USP34: variants seen among roughly 807,000 people sequenced by gnomAD.
USP34 encodes ubiquitin carboxyl-terminal hydrolase 34.
Under a neutral mutation model 460.3 loss-of-function variants are expected in USP34, and 70 were observed. The ratio of observed to expected loss-of-function variants is 0.15; its 90% CI spans 0.13 to 0.19. The LOEUF is 0.19. USP34 is among the 10% of genes least tolerant of loss of function. The pLI is 1.00. For missense variants in USP34, 3,985 were observed against 4,236.2 expected, an observed-to-expected ratio of 0.94 and a Z score of 1.65; for synonymous variants, 1,647 against 1,405.3, an observed-to-expected ratio of 1.17 and a Z score of -3.85.
At chr2:61,211,050 T>G (rs1032629376) in intron 69 of USP34, among the ~76,000 whole-genome samples, 1 of 152,152 alleles carries the variant, frequency 6.6e-6, no homozygotes, top group African/African-American at 2.4e-5. Flanking sequence ...AAGGCGTAGT[T>G]AATTTCCCTG....
intron 57 of USP34, 57 bp downstream of exon 57, chr2:61,235,788 G>C (rs1210042807): frequency 2.6e-6 from 4 of 1,549,908 alleles, no homozygotes; most frequent in South Asian, 1.2e-5. Flanking sequence ...TAGATCAGAG[G>C]GGGGGAAAAA....
At chr2:61,470,093 T>C (rs2104134016) in intron 1 of USP34, among the ~76,000 whole-genome samples, 1 of 152,328 alleles carries the variant, frequency 6.6e-6, no homozygotes, top group African/African-American at 2.4e-5. Flanking sequence ...CAATCATCAC[T>C]ATCACAGTTC....
chr2:61,443,044 AAAC>A (rs1695010577), intron 1 of USP34, among the ~76,000 whole-genome samples: 1 of 128,378 alleles, frequency 7.8e-6, no homozygotes, highest in Non-Finnish European at 1.6e-5. Flanking sequence ...GCAGAAAGTT[AAAC>A]ACCATAAGTT....
Position 61,374,161 on chromosome 2 carries a change from A to G in USP34, c.1077-3582T>C, listed in dbSNP as rs1379996170. 1.1e-3 allele frequency among the ~76,000 whole-genome samples: 155 copies of G among 145,936 alleles called. 2 individuals are homozygous for G. Among genetic ancestry groups the G allele is most frequent in the Admixed American group, 2.9e-3 (39 of 13,684 alleles). ...ATAGAGCGAGACTCCATCTCAGGGA[A>G]AAAAAAAAAAAAAAAAACAGAGAAA... On this transcript the variant is annotated intron_variant, in intron 8 of 79. Transcript: ENST00000398571.
intron 39 of USP34, among the ~76,000 whole-genome samples, chr2:61,279,570 C>T (rs553105413): frequency 2.0e-5 from 3 of 152,120 alleles, no homozygotes; most frequent in Admixed American, 6.5e-5. Context: ...CGGGTTCAAG[C>T]GATTCTGCCT....
At chr2:61,405,646 G>A (rs1248032809) in intron 3 of USP34, 62 bp downstream of exon 3, 2 of 1,404,650 alleles carry the variant, frequency 1.4e-6, no homozygotes, top group African/African-American at 2.9e-5. Context: ...TTATCAGTAA[G>A]AAACAGACTG....
Position 61,190,542 on chromosome 2 carries a change from C to T in USP34, c.9705G>A (p.Thr3235=), listed in dbSNP as rs771691546. ...CCTTTAGAAGGAAATGTGTCATGAA[C>T]GTGTAGACAATGTTGTTGTTTAAAA... The part of the protein sequence containing the change: ...RTFLNNNIVY[T]FMTHFLLKVQ... The change falls in exon 77 of 80, where the codon ACG becomes ACA. Residue 3235 remains threonine (T), a synonymous_variant. Coordinates refer to ENST00000398571, the MANE Select transcript of USP34 (RefSeq NM_014709.4). 1.9e-5 allele frequency: 30 copies of T among 1,613,974 alleles called. No homozygotes were observed. The East Asian group carries it at 2.0e-4, about 11-fold the overall frequency.
chr2:61,376,209 TTA>T (rs1301569177), intron 8 of USP34, among the ~76,000 whole-genome samples: 1 of 145,234 alleles, frequency 6.9e-6, no homozygotes, highest in Non-Finnish European at 1.5e-5. Flanking sequence ...TTATATGTAT[TTA>T]TATGTTAATA....
At chr2:61,218,283 A>T (rs1009834494) in intron 67 of USP34, among the ~76,000 whole-genome samples, 1 of 148,436 alleles carries the variant, frequency 6.7e-6, no homozygotes, top group Non-Finnish European at 1.5e-5. Flanking sequence ...TCTTACAAAG[A>T]TCCTATTATG....
chr2:61,401,996 A>C (rs900767366), intron 3 of USP34, among the ~76,000 whole-genome samples: 5 of 151,980 alleles, frequency 3.3e-5, no homozygotes, highest in Non-Finnish European at 5.9e-5. Flanking sequence ...TCATGCCTGT[A>C]ATCCCAGCAC....
At chr2:61,316,749 G>T (rs1453362253) in intron 23 of USP34, among the ~76,000 whole-genome samples, 2 of 151,716 alleles carry the variant, frequency 1.3e-5, no homozygotes, top group African/African-American at 2.4e-5. Flanking sequence ...GTCAGGCATG[G>T]TGGTGCACCC....
At chr2:61,356,903 A>G (rs1489818232) in intron 10 of USP34, among the ~76,000 whole-genome samples, 1 of 152,264 alleles carries the variant, frequency 6.6e-6, no homozygotes, top group African/African-American at 2.4e-5. Context: ...TAAGTTTACT[A>G]AAGATAAACT....
chr2:61,437,285 C>G (rs1694839197), intron 1 of USP34, among the ~76,000 whole-genome samples: 1 of 151,982 alleles, frequency 6.6e-6, no homozygotes, highest in African/African-American at 2.4e-5. Context: ...AAACCTTTAG[C>G]TAGACTAAGG....
chr2:61,437,698 G>A lies in USP34; in HGVS notation c.44-16865C>T, dbSNP rs569393548. ...TGAGGCAGGAGAATGGCTTGAACAC[G>A]GGAGGCGGAGCTTGCAGTGAGCCCA... On this transcript the variant is annotated intron_variant, in intron 1 of 79. Transcript: ENST00000398571. 2.4e-4 allele frequency among the ~76,000 whole-genome samples: 37 copies of A among 151,954 alleles called. No individual in the cohort carries two copies. The South Asian group carries it at 6.2e-3, about 26-fold the overall frequency.
chr2:61,303,210 G>A (rs1690284429), intron 27 of USP34, among the ~76,000 whole-genome samples: 1 of 151,980 alleles, frequency 6.6e-6, no homozygotes. Context: ...GGGACTACAG[G>A]CGTGCACCAT....
chr2:61,370,360 C>T lies in USP34; in HGVS notation c.1212G>A (p.Leu404=), dbSNP rs370989441. The change falls in exon 10 of 80, where the codon CTG becomes CTA. Residue 404 remains leucine (L), a synonymous_variant. Coordinates refer to ENST00000398571, the MANE Select transcript of USP34 (RefSeq NM_014709.4). ...ILNFLAAEGR[L]STQHIDCIWA... is the part of the protein sequence containing the mutation. ...AAATACAGTCAATATGTTGAGTACTCAGTCGCCCTTCTGCTGCCAAAAAAT... is the reference window on the plus strand; with the variant it reads ...AAATACAGTCAATATGTTGAGTACTTAGTCGCCCTTCTGCTGCCAAAAAAT... The T allele has an allele frequency of 3.1e-4, 496 of 1,613,954 alleles. No individual in the cohort carries two copies. Among genetic ancestry groups the T allele is most frequent in the Non-Finnish European group, 3.7e-4 (442 of 1,179,968 alleles).
chr2:61,190,812 G>A (rs1263552760), intron 76 of USP34, 154 bp from the exon 77 acceptor site: 1 of 881,090 alleles, frequency 1.1e-6, no homozygotes, highest in African/African-American at 1.7e-5. Context: ...CTCACCTATT[G>A]AATTTTTAGT....
intron 27 of USP34, among the ~76,000 whole-genome samples, chr2:61,309,680 G>A (rs13013818): frequency 0.022 from 3,346 of 152,236 alleles, 61 homozygotes; most frequent in Non-Finnish European, 0.035. Flanking sequence ...TCATCCTAAA[G>A]AAGAAATTCT....
chr2:61,314,536 A>G (rs1690686015), intron 25 of USP34, 49 bp downstream of exon 25: 2 of 1,377,428 alleles, frequency 1.5e-6, no homozygotes, highest in South Asian at 4.3e-5. Context: ...TGGATATGTC[A>G]GGAATAAAAA....
Sources: allele counts gnomAD v4.1 joint callset (sites outside exome capture counted in the v4.1 genomes callset), GRCh38; gene constraint gnomAD v4.1.1; transcripts MANE v1.5; gene names NCBI Gene and HGNC (gene_info 2026-07-23, HGNC 2026-07-21).